The following CTNNA3 variants were observed in gnomAD, a reference collection of about 807,000 sequenced individuals.
The protein encoded by CTNNA3 is catenin alpha 3.
A neutral mutation model predicts 95.7 loss-of-function variants in CTNNA3; 76 were observed. The observed-to-expected ratio is 0.79, with a 90% CI of 0.66 to 0.96. CTNNA3 has a LOEUF of 0.96. Among genes scored for constraint, CTNNA3 ranks in the 40% least tolerant of loss-of-function variants. The pLI is 0.00. For synonymous variants in CTNNA3, 431 were observed against 374.4 expected (o/e 1.15, Z -1.74); for missense variants, 1,191 against 1,089.8 (o/e 1.09, Z -1.31).
intron 10 of CTNNA3, among the ~76,000 whole-genome samples, chr10:66,533,754 T>C (rs532514929): frequency 9.9e-5 from 15 of 152,086 alleles, no homozygotes; most frequent in Non-Finnish European, 1.9e-4. Context: ...CGAACTCTTA[T>C]ACCAGTAGCT....
chr10:67,726,006 AT>A (rs1267377886), intron 1 of CTNNA3, among the ~76,000 whole-genome samples: 1 of 137,090 alleles, frequency 7.3e-6, no homozygotes, highest in East Asian at 2.1e-4. Flanking sequence ...TATATTATAT[AT>A]CTAAATCCAC....
intron 9 of CTNNA3, among the ~76,000 whole-genome samples, chr10:66,629,813 C>T (rs1845069867): frequency 6.6e-6 from 1 of 152,086 alleles, no homozygotes; most frequent in East Asian, 1.9e-4. Flanking sequence ...GGCTGGAATG[C>T]TCTCTTCCTC....
intron 5 of CTNNA3, among the ~76,000 whole-genome samples, chr10:67,468,627 G>A (rs1193570435): frequency 2.0e-5 from 3 of 152,100 alleles, no homozygotes; most frequent in South Asian, 2.1e-4. Context: ...ACATGTGAAC[G>A]TAAGTGATAT....
chr10:66,738,022 C>T (rs779294602), intron 9 of CTNNA3, among the ~76,000 whole-genome samples: 5 of 152,186 alleles, frequency 3.3e-5, no homozygotes, highest in Non-Finnish European at 7.4e-5. Context: ...TTGTTATTGA[C>T]ATTTTAAAAA....
At chr10:66,046,307 A>T (rs1297493828) in intron 15 of CTNNA3, among the ~76,000 whole-genome samples, 1 of 152,168 alleles carries the variant, frequency 6.6e-6, no homozygotes, top group African/African-American at 2.4e-5. Flanking sequence ...TGACAGACAG[A>T]GACACTTGGA....
intron 9 of CTNNA3, among the ~76,000 whole-genome samples, chr10:66,708,025 C>G (rs968318853): frequency 1.3e-5 from 2 of 152,094 alleles, no homozygotes; most frequent in African/African-American, 2.4e-5. Flanking sequence ...AGGGTCTTAG[C>G]TGATTTCTCT....
chr10:66,792,645 T>C (rs1399326199), intron 7 of CTNNA3, among the ~76,000 whole-genome samples: 1 of 152,210 alleles, frequency 6.6e-6, no homozygotes, highest in Admixed American at 6.5e-5. Context: ...ATCCACTTAA[T>C]GTTGTGAATG....
intron 12 of CTNNA3, among the ~76,000 whole-genome samples, chr10:66,282,176 C>A (rs1274898639): frequency 6.6e-6 from 1 of 151,686 alleles, no homozygotes; most frequent in African/African-American, 2.4e-5. Context: ...TCACAGTCTC[C>A]CTTTCAGCGG....
chr10:66,286,831 T>C (rs1190788518), intron 12 of CTNNA3, among the ~76,000 whole-genome samples: 2 of 152,116 alleles, frequency 1.3e-5, no homozygotes, highest in African/African-American at 4.8e-5. Flanking sequence ...TATAATTATG[T>C]GTCAGAGTAG....
intron 2 of CTNNA3, among the ~76,000 whole-genome samples, chr10:67,611,966 T>G (rs1296067216): frequency 6.6e-6 from 1 of 152,174 alleles, no homozygotes; most frequent in African/African-American, 2.4e-5. Context: ...GTAAAAACTG[T>G]GATCTTTCAA....
At chr10:66,245,287 G>C (rs922475599) in intron 13 of CTNNA3, among the ~76,000 whole-genome samples, 1 of 152,176 alleles carries the variant, frequency 6.6e-6, no homozygotes, top group African/African-American at 2.4e-5. Context: ...GTGCCCAGAA[G>C]CTCAGAGACA....
intron 1 of CTNNA3, chr10:67,750,409 C>T: frequency 6.7e-7 from 1 of 1,486,738 alleles, no homozygotes; most frequent in Non-Finnish European, 9.4e-7. Context: ...GATATCGCCA[C>T]ATTGACTGTG....
chr10:67,747,571 T>A (rs1335433871), intron 1 of CTNNA3, among the ~76,000 whole-genome samples: 1 of 152,042 alleles, frequency 6.6e-6, no homozygotes, highest in Non-Finnish European at 1.5e-5. Flanking sequence ...AGCAACAGCA[T>A]CAACAAAAAG....
At chr10:66,134,381 A>G (rs1210541098) in intron 13 of CTNNA3, among the ~76,000 whole-genome samples, 1 of 152,166 alleles carries the variant, frequency 6.6e-6, no homozygotes, top group Non-Finnish European at 1.5e-5. Flanking sequence ...GGCAATTTCT[A>G]TAAAAAATCT....
At chr10:66,831,488 GT>G (rs1842718949) in intron 7 of CTNNA3, among the ~76,000 whole-genome samples, 1 of 152,114 alleles carries the variant, frequency 6.6e-6, no homozygotes. Context: ...TACCTCTCAG[GT>G]TTGAAATCTT....
chr10:65,962,576 C>T lies in CTNNA3; in HGVS notation c.2400+4036G>A, dbSNP rs910635846. 5.3e-5 allele frequency among the ~76,000 whole-genome samples: 8 copies of T among 151,614 alleles called. No homozygotes were observed. The South Asian group carries it at 1.7e-3, about 32-fold the overall frequency. On this transcript the variant is annotated intron_variant, in intron 17 of 17. Transcript: ENST00000433211. The stretch of plus-strand genomic sequence containing the variant: ...TTAGACTAATTTTTTTTTTATTATA[C>T]TTTAAGTTCTGGGTTACATGTGCAG...
intron 11 of CTNNA3, among the ~76,000 whole-genome samples, chr10:66,401,518 AACAC>A (rs140986771): frequency 0.039 from 5,612 of 143,858 alleles, 210 homozygotes; most frequent in African/African-American, 0.092. Context: ...TGTGTCTCAA[AACAC>A]ACACACACAC....
chr10:67,098,268 G>A (rs560133600), intron 7 of CTNNA3: 1 of 154,344 alleles, frequency 6.5e-6, no homozygotes, highest in Non-Finnish European at 1.4e-5. Context: ...TGTAAGGACT[G>A]TTTTGTTACT....
intron 13 of CTNNA3, among the ~76,000 whole-genome samples, chr10:66,122,288 C>G (rs1030253032): frequency 1.3e-5 from 2 of 152,050 alleles, no homozygotes; most frequent in Non-Finnish European, 2.9e-5. Context: ...TCATTACCTA[C>G]TTCCCAAATT....
Sources: gnomAD v4.1 joint callset for allele counts (sites outside exome capture counted in the v4.1 genomes callset) on GRCh38, gnomAD v4.1.1 for gene constraint, MANE v1.5 for transcripts, NCBI Gene and HGNC (gene_info 2026-07-23, HGNC 2026-07-21) for gene names.